GLRA2: variants seen among roughly 807,000 people sequenced by gnomAD.
GLRA2 encodes the protein glycine receptor subunit alpha-2.
Under a neutral mutation model 31.6 loss-of-function variants are expected in GLRA2, and 11 were observed. The ratio of observed to expected loss-of-function variants is 0.35; its 90% CI spans 0.22 to 0.58. GLRA2 has a LOEUF of 0.58. Among genes scored for constraint, GLRA2 ranks in the 20% least tolerant of loss-of-function variants. The pLI, the probability that GLRA2 is intolerant of heterozygous loss-of-function variation, is 0.84. For synonymous variants in GLRA2, 132 were observed against 134.0 expected (o/e 0.99, Z 0.10); for missense variants, 212 against 351.8 (o/e 0.60, Z 3.18).
At chrX:14,466,551 T>C in the GLRA2 span, among the ~76,000 whole-genome samples, 1 of 108,818 alleles carries the variant, frequency 9.2e-6, no homozygotes, top group Non-Finnish European at 1.9e-5. Context: ...GGCTCTAAGA[T>C]TGAGCATAAT....
chrX:14,691,867 TAGAG>T (rs1268662651), intron 8 of GLRA2, among the ~76,000 whole-genome samples: 1 of 112,200 alleles, frequency 8.9e-6, no homozygotes, highest in Non-Finnish European at 1.9e-5. Context: ...TTATGTACAG[TAGAG>T]AGAGAAAGAT....
upstream of GLRA2, among the ~76,000 whole-genome samples, chrX:14,526,220 C>T (rs752733513): frequency 5.9e-4 from 66 of 112,289 alleles, no homozygotes; most frequent in African/African-American, 1.7e-3. Flanking sequence ...GAAAAAAGAC[C>T]AATATGGCTA....
chrX:14,613,358 T>C (rs1007598019), intron 7 of GLRA2, among the ~76,000 whole-genome samples: 4 of 111,920 alleles, frequency 3.6e-5, no homozygotes, highest in Non-Finnish European at 7.5e-5. Context: ...TCAATGAGAT[T>C]AACCAAAGTT....
At chrX:14,548,361 T>A (rs2089509302) in intron 2 of GLRA2, among the ~76,000 whole-genome samples, 1 of 111,761 alleles carries the variant, frequency 8.9e-6, no homozygotes, top group African/African-American at 3.2e-5. Context: ...ACAGGTTGAA[T>A]TGAATTTATC....
At position 14,534,351 on chromosome X, in the gene GLRA2, C is replaced by T. The variant is rs186511132; in HGVS notation, c.202+1979C>T. Among the ~76,000 whole-genome samples the T allele has an allele frequency of 2.5e-4, 28 of 110,200 alleles. No individual in the cohort carries two copies. The East Asian group carries it at 7.7e-3, about 30-fold the overall frequency. On this transcript the variant is annotated intron_variant, in intron 2 of 8. Coordinates refer to ENST00000218075, the MANE Select transcript of GLRA2 (RefSeq NM_002063.4). ...ATTCATTGAGTTTTATCTCCCTCTC[C>T]CTTTAACTCTCCAATTCAATGAACA...
At chrX:14,514,369 C>T in the GLRA2 span, among the ~76,000 whole-genome samples, 1 of 109,705 alleles carries the variant, frequency 9.1e-6, no homozygotes, top group African/African-American at 3.3e-5. Flanking sequence ...TGTAACCAAA[C>T]ACCTCCTGTT....
intron 7 of GLRA2, among the ~76,000 whole-genome samples, chrX:14,640,613 T>TA (rs1267030990): frequency 9.0e-6 from 1 of 111,626 alleles, no homozygotes; most frequent in East Asian, 2.8e-4. Context: ...CTTGTTTAAC[T>TA]ATTGTTACTT....
chrX:14,450,342 C>T, the GLRA2 span, among the ~76,000 whole-genome samples: 1 of 111,712 alleles, frequency 9.0e-6, no homozygotes, highest in Non-Finnish European at 1.9e-5. Context: ...GTGACCTAAC[C>T]TTCAGCTCAG....
At chrX:14,625,957 C>T (rs1167288398) in intron 7 of GLRA2, among the ~76,000 whole-genome samples, 1 of 111,913 alleles carries the variant, frequency 8.9e-6, no homozygotes, top group Non-Finnish European at 1.9e-5. Context: ...CAGAGCTAGA[C>T]CTTAAACTAG....
chrX:14,680,392 C>G, intron 7 of GLRA2, among the ~76,000 whole-genome samples: 1 of 111,885 alleles, frequency 8.9e-6, no homozygotes, highest in Non-Finnish European at 1.9e-5. Context: ...TGAAAAGATA[C>G]CAACTTAGTT....
At chrX:14,477,056 A>G in the GLRA2 span, among the ~76,000 whole-genome samples, 1 of 111,531 alleles carries the variant, frequency 9.0e-6, no homozygotes, top group Non-Finnish European at 1.9e-5. Context: ...GAGGAATGGT[A>G]GGCAATCATC....
chrX:14,572,048 C>G (rs777338004), intron 2 of GLRA2, among the ~76,000 whole-genome samples: 1 of 111,873 alleles, frequency 8.9e-6, no homozygotes, highest in African/African-American at 3.2e-5. Flanking sequence ...TAAACAGATT[C>G]GTCTTTTGTG....
At chrX:14,572,782 G>A (rs2089900821) in intron 2 of GLRA2, among the ~76,000 whole-genome samples, 1 of 112,025 alleles carries the variant, frequency 8.9e-6, no homozygotes, top group African/African-American at 3.2e-5. Flanking sequence ...ATTTCAAAAG[G>A]TAGACTTAAG....
intron 7 of GLRA2, among the ~76,000 whole-genome samples, chrX:14,634,780 A>G (rs1045839873): frequency 8.9e-6 from 1 of 112,077 alleles, no homozygotes; most frequent in Non-Finnish European, 1.9e-5. Context: ...CATTCCTTAT[A>G]TTAGCACCTT....
At chrX:14,560,438 T>C (rs1045036488) in intron 2 of GLRA2, among the ~76,000 whole-genome samples, 2 of 112,213 alleles carry the variant, frequency 1.8e-5, no homozygotes, top group African/African-American at 6.5e-5. Context: ...TAGTGACTAA[T>C]TGTCTTGGTG....
intron 2 of GLRA2, among the ~76,000 whole-genome samples, chrX:14,553,058 G>A (rs925123546): frequency 8.9e-6 from 1 of 111,846 alleles, no homozygotes; most frequent in Non-Finnish European, 1.9e-5. Flanking sequence ...ATGAGAGGAG[G>A]CCGTGTGGCT....
chrX:14,605,817 T>C (rs1359360972), intron 5 of GLRA2, among the ~76,000 whole-genome samples: 1 of 111,405 alleles, frequency 9.0e-6, no homozygotes, highest in Non-Finnish European at 1.9e-5. Context: ...GGCTTCAGGG[T>C]GACTGACAAG....
chrX:14,687,729 C>A (rs1274962069), intron 7 of GLRA2, among the ~76,000 whole-genome samples: 4 of 111,816 alleles, frequency 3.6e-5, no homozygotes, highest in African/African-American at 6.5e-5. Context: ...AGGTTTTTAG[C>A]TTCTTTGTGA....
chrX:14,493,560 C>CACATATAT, the GLRA2 span, among the ~76,000 whole-genome samples: 71 of 103,572 alleles, frequency 6.9e-4, no homozygotes, highest in Admixed American at 1.7e-3. Flanking sequence ...TACATATATA[C>CACATATAT]ACATATATAC....
Sources: gnomAD v4.1 joint callset for allele counts (sites outside exome capture counted in the v4.1 genomes callset) on GRCh38, gnomAD v4.1.1 for gene constraint, MANE v1.5 for transcripts, NCBI Gene and HGNC (gene_info 2026-07-23, HGNC 2026-07-21) for gene names.